Variants in MBTD1 observed in about 807,000 individuals in gnomAD.
MBTD1 encodes the protein MBT domain-containing protein 1.
Under a neutral mutation model 87.8 loss-of-function variants are expected in MBTD1, and 24 were observed. That is an observed-to-expected ratio of 0.27 (90% CI 0.20 to 0.38). The LOEUF (loss-of-function observed/expected upper bound fraction) is 0.38, where lower values mean the gene tolerates loss of function less well. Ranked by LOEUF, MBTD1 falls within the 10% of genes least tolerant of loss-of-function variation. The probability of loss-of-function intolerance (pLI) is 1.00; values close to 1 mark genes in which losing one functional copy is unlikely to be tolerated. For synonymous variants in MBTD1, 237 were observed against 248.6 expected, an observed-to-expected ratio of 0.95 and a Z score of 0.44; for missense variants, 436 against 760.2, an observed-to-expected ratio of 0.57 and a Z score of 5.02.
chr17:51,247,859 G>C (rs1467880369), intron 2 of MBTD1, among the ~76,000 whole-genome samples: 3 of 152,206 alleles, frequency 2.0e-5, no homozygotes, highest in Non-Finnish European at 2.9e-5. Flanking sequence ...TCTAGGCCTG[G>C]TGTTTGGTGG....
In MBTD1 at chr17:51,202,868, A is replaced by G; in HGVS notation, c.896T>C (p.Leu299Ser). ...CACCACTGCTACTCGTGTTCGACAC[A>G]AATGCCTCTTGTCAACCACTTCTAC... ...MRVEVVDKRHLCRTRVAVVES... is the reference protein window; with the variant it reads ...MRVEVVDKRHSCRTRVAVVES... Residue 299 changes from leucine to serine, a missense_variant, in exon 10 of 17, where the codon TTG becomes TCG. Physicochemically the swap from Leu to Ser is moderately radical, Grantham distance 145 (BLOSUM62 -2). Transcript: ENST00000586178. The G allele has an allele frequency of 6.2e-7, 1 of 1,614,184 alleles. No homozygotes were observed. The highest frequency in any genetic ancestry group is 8.5e-7 in the Non-Finnish European group (1 of 1,180,028).
chr17:51,226,381 T>C (rs1037177262), intron 2 of MBTD1, among the ~76,000 whole-genome samples: 3 of 150,904 alleles, frequency 2.0e-5, no homozygotes, highest in Non-Finnish European at 4.4e-5. Context: ...CTGAGTGTGG[T>C]GGCACGCATC....
At chr17:51,242,146 T>C (rs2054193883) in intron 2 of MBTD1, among the ~76,000 whole-genome samples, 1 of 152,250 alleles carries the variant, frequency 6.6e-6, no homozygotes, top group East Asian at 1.9e-4. Context: ...AGGTATTCAA[T>C]GTACTTATTG....
chr17:51,196,647 T>G (rs1435192229), intron 12 of MBTD1, among the ~76,000 whole-genome samples: 3 of 151,830 alleles, frequency 2.0e-5, no homozygotes, highest in Non-Finnish European at 2.9e-5. Flanking sequence ...ATCTCAGCAC[T>G]TTGGGAGGCT....
At chr17:51,245,938 A>G (rs2054409618) in intron 2 of MBTD1, among the ~76,000 whole-genome samples, 1 of 152,224 alleles carries the variant, frequency 6.6e-6, no homozygotes, top group East Asian at 1.9e-4. Context: ...TTAACTTTGG[A>G]AAAAGTGACA....
chr17:51,208,815 G>C (rs1331750113), intron 6 of MBTD1, among the ~76,000 whole-genome samples: 1 of 152,200 alleles, frequency 6.6e-6, no homozygotes, highest in Non-Finnish European at 1.5e-5. Context: ...CTTAACATTT[G>C]TTGGAGAAAA....
chr17:51,201,421 T>A (rs185236903), intron 12 of MBTD1, among the ~76,000 whole-genome samples, 171 bp downstream of exon 12: 3 of 152,314 alleles, frequency 2.0e-5, no homozygotes, highest in African/African-American at 7.2e-5. Context: ...CAATAAACTA[T>A]GTAAGATCAG....
In MBTD1 at chr17:51,190,391, G is replaced by A. The variant is rs146887474; in HGVS notation, c.1768+1812C>T. Among the ~76,000 whole-genome samples, 243 of 152,002 alleles carry A rather than the reference G, an allele frequency of 1.6e-3. 1 individual carries two copies. The highest frequency in any genetic ancestry group is 5.5e-3 in the African/African-American group (229 of 41,430). On this transcript the variant is annotated intron_variant, in intron 16 of 16. Transcript: ENST00000586178. The stretch of plus-strand genomic sequence containing the variant: ...TTGCTGGGATTAATTACAGGCATGA[G>A]CCACCGCGTCCAGTCCAATTTAAAA...
At chr17:51,260,780 G>T (rs769541287), upstream of MBTD1, 18 of 1,578,872 alleles carry the variant, frequency 1.1e-5, no homozygotes, top group Non-Finnish European at 1.4e-5. Flanking sequence ...AGTCGCGGCG[G>T]CGGAGGAAGA....
At chr17:51,215,957 A>T (rs918993573) in intron 6 of MBTD1, among the ~76,000 whole-genome samples, 9 of 113,830 alleles carry the variant, frequency 7.9e-5, no homozygotes, top group African/African-American at 2.8e-4. Flanking sequence ...TTTGAGACTG[A>T]GTGTCGCTCT....
At chr17:51,186,970 G>A (rs774649872) in intron 16 of MBTD1, among the ~76,000 whole-genome samples, 4 of 152,080 alleles carry the variant, frequency 2.6e-5, no homozygotes, top group Non-Finnish European at 4.4e-5. Flanking sequence ...CAATTTAAAT[G>A]TATTATCTGG....
At chr17:51,189,714 A>C (rs572879807) in intron 16 of MBTD1, among the ~76,000 whole-genome samples, 4 of 152,372 alleles carry the variant, frequency 2.6e-5, no homozygotes, top group African/African-American at 9.6e-5. Flanking sequence ...GAAATTCCAA[A>C]GTCTTATCCA....
At chr17:51,207,034 T>A in intron 6 of MBTD1, 29 bp from the exon 7 acceptor site, 1 of 1,266,550 alleles carries the variant, frequency 7.9e-7, no homozygotes, top group Non-Finnish European at 1.2e-6. Flanking sequence ...TAAATTATTG[T>A]CTTATTAACA....
intron 2 of MBTD1, chr17:51,256,876 G>C (rs1268201667): frequency 6.6e-6 from 1 of 152,136 alleles, no homozygotes; most frequent in East Asian, 1.9e-4. Context: ...AAGGGCCATG[G>C]AGCTACTCAA....
rs2050204586 is a variant in MBTD1 at position 51,179,485 on chromosome 17, T to TATAC, written c.*1090_*1091insGTAT. 2 of 12,690 alleles carry TATAC rather than the reference T, an allele frequency of 1.6e-4. No homozygotes were observed. The highest frequency in any genetic ancestry group is 5.6e-4 in the African/African-American group (2 of 3,596). 0.8% of individuals were successfully genotyped at this position (12,690 alleles called of 1,614,324 possible). A position where few individuals can be genotyped will look rare whatever the true frequency, so the allele number is the denominator to read the frequency against. Reference sequence around the variant, plus strand: ...TCCTGAATACAATTAAAGACAATTTTATATATATATATATATATATATATA... The same window carrying TATAC: ...TCCTGAATACAATTAAAGACAATTTTATACATATATATATATATATATATATATA... On this transcript the variant is annotated 3_prime_UTR_variant, in exon 17 of 17. Transcript: ENST00000586178.
intron 3 of MBTD1, among the ~76,000 whole-genome samples, chr17:51,221,566 G>T (rs952987951): frequency 6.6e-6 from 1 of 152,158 alleles, no homozygotes; most frequent in Non-Finnish European, 1.5e-5. Flanking sequence ...AGTGTAACTG[G>T]TACGGTTGGC....
Position 51,221,491 on chromosome 17 carries a change from C to T in MBTD1, c.155-1028G>A, listed in dbSNP as rs889812021. Among the ~76,000 whole-genome samples the T allele has an allele frequency of 1.3e-4, 20 of 152,248 alleles. 1 individual carries two copies. Among genetic ancestry groups the T allele is most frequent in the Admixed American group, 1.1e-3 (17 of 15,284 alleles). ...TTTAAAAAAGATAAACAAAAAGTAACATAGCAAATAACTGCCTTAGTGAGT... is the reference window on the plus strand; with the variant it reads ...TTTAAAAAAGATAAACAAAAAGTAATATAGCAAATAACTGCCTTAGTGAGT... On this transcript the variant is annotated intron_variant, in intron 3 of 16. Transcript: ENST00000586178.
In MBTD1 at chr17:51,181,589, C is replaced by T. The variant is rs559062210; in HGVS notation, c.1769-895G>A. 1.2e-4 allele frequency among the ~76,000 whole-genome samples: 18 copies of T among 152,150 alleles called. 1 individual carries two copies. In the South Asian group the frequency reaches 3.7e-3, roughly 32 times the overall value. ...GAAGGATTGCTGGAGCCCAGGAGTT[C>T]GAGATTACAGTGACCTATGATTGTG... On this transcript the variant is annotated intron_variant, in intron 16 of 16. Transcript: ENST00000586178.
At chr17:51,255,580 A>G (rs2144275584) in intron 2 of MBTD1, among the ~76,000 whole-genome samples, 1 of 151,700 alleles carries the variant, frequency 6.6e-6, no homozygotes, top group East Asian at 1.9e-4. Flanking sequence ...GTAATAGATG[A>G]TGATAACCTT....
Sources: gnomAD v4.1 joint callset for allele counts (sites outside exome capture counted in the v4.1 genomes callset) on GRCh38, gnomAD v4.1.1 for gene constraint, MANE v1.5 for transcripts, NCBI Gene and HGNC (gene_info 2026-07-23, HGNC 2026-07-21) for gene names.